The following MYO16 variants were observed in gnomAD, a reference collection of about 807,000 sequenced individuals.
MYO16 encodes myosin XVI, also known as unconventional myosin-XVI.
A neutral mutation model predicts 205.3 loss-of-function variants in MYO16; 94 were observed. That is an observed-to-expected ratio of 0.46 (90% CI 0.39 to 0.54). The LOEUF (loss-of-function observed/expected upper bound fraction) is 0.54. Ranked by LOEUF, MYO16 falls within the 20% of genes least tolerant of loss-of-function variation. The pLI, the probability that MYO16 is intolerant of heterozygous loss-of-function variation, is 0.00. For missense variants in MYO16, 2,315 were observed against 2,387.5 expected (o/e 0.97, Z 0.63); for synonymous variants, 988 against 954.0 (o/e 1.04, Z -0.66).
intron 32 of MYO16, among the ~76,000 whole-genome samples, chr13:109,157,427 C>T (rs966827168): frequency 2.0e-5 from 3 of 152,176 alleles, no homozygotes; most frequent in South Asian, 4.2e-4. Flanking sequence ...TCTGCCTCTG[C>T]GGCATTCCCT....
chr13:109,158,718 G>T (rs1222763057), intron 32 of MYO16, among the ~76,000 whole-genome samples: 1 of 146,658 alleles, frequency 6.8e-6, no homozygotes, highest in African/African-American at 2.6e-5. Context: ...TTGGGGAAAG[G>T]TGAGCTTTTT....
chr13:109,092,608 A>G (rs927717724), intron 27 of MYO16, among the ~76,000 whole-genome samples: 13 of 152,218 alleles, frequency 8.5e-5, no homozygotes, highest in African/African-American at 3.1e-4. Flanking sequence ...AACAGAAAAG[A>G]TAACTATTGG....
At chr13:108,967,374 C>G (rs2139380074) in intron 20 of MYO16, among the ~76,000 whole-genome samples, 1 of 152,252 alleles carries the variant, frequency 6.6e-6, no homozygotes, top group East Asian at 1.9e-4. Flanking sequence ...CTTTCTCTAC[C>G]TGGATCCAAA....
At chr13:108,793,665 A>T in intron 6 of MYO16, 25 bp downstream of exon 6, 2 of 1,598,854 alleles carry the variant, frequency 1.3e-6, no homozygotes, top group Non-Finnish European at 1.7e-6. Context: ...TTGACTCAGA[A>T]ACTATTTGAA....
At chr13:109,016,010 G>A (rs1885800329) in intron 22 of MYO16, among the ~76,000 whole-genome samples, 1 of 151,986 alleles carries the variant, frequency 6.6e-6, no homozygotes, top group African/African-American at 2.4e-5. Context: ...GATAGCTTTT[G>A]AATTTCTTTG....
the MYO16 span, among the ~76,000 whole-genome samples, chr13:108,507,278 G>A: frequency 6.6e-6 from 1 of 152,000 alleles, no homozygotes; most frequent in African/African-American, 2.4e-5. Context: ...AACTTAAAGG[G>A]GCTCCCTTTA....
chr13:108,745,453 T>G (rs2139622225), intron 4 of MYO16, among the ~76,000 whole-genome samples: 1 of 152,194 alleles, frequency 6.6e-6, no homozygotes, highest in South Asian at 2.1e-4. Context: ...AACAGATGTT[T>G]TGCAGAGAAG....
chr13:108,943,220 G>A (rs1416511890), intron 16 of MYO16, among the ~76,000 whole-genome samples: 4 of 152,150 alleles, frequency 2.6e-5, no homozygotes, highest in Non-Finnish European at 5.9e-5. Context: ...AAATTAATTG[G>A]TGGTTGATAA....
At chr13:108,780,602 GA>G (rs1170768015) in intron 4 of MYO16, among the ~76,000 whole-genome samples, 7 of 152,170 alleles carry the variant, frequency 4.6e-5, no homozygotes, top group African/African-American at 1.7e-4. Context: ...AGGAAGGTCA[GA>G]AAATTTAGTT....
intron 9 of MYO16, among the ~76,000 whole-genome samples, chr13:108,838,352 A>C (rs1466208014): frequency 6.6e-6 from 1 of 152,058 alleles, no homozygotes. Flanking sequence ...GTTCACTCAA[A>C]TTATAAAAAA....
intron 4 of MYO16, among the ~76,000 whole-genome samples, chr13:108,748,354 C>G (rs757584430): frequency 2.6e-5 from 4 of 151,842 alleles, no homozygotes; most frequent in Non-Finnish European, 5.9e-5. Context: ...GCAGCAACAT[C>G]AAAGCTTAGA....
chr13:108,558,320 C>T, the MYO16 span, among the ~76,000 whole-genome samples: 1 of 152,192 alleles, frequency 6.6e-6, no homozygotes, highest in Non-Finnish European at 1.5e-5. Context: ...GAAATGTCTC[C>T]TTGTCCTTTT....
At chr13:108,667,171 AT>A (rs1309150872) in intron 2 of MYO16, among the ~76,000 whole-genome samples, 4 of 152,208 alleles carry the variant, frequency 2.6e-5, no homozygotes, top group Non-Finnish European at 5.9e-5. Context: ...AGGCTTTCAA[AT>A]GGGGATTGTG....
intron 16 of MYO16, among the ~76,000 whole-genome samples, chr13:108,935,694 T>G (rs937011198): frequency 6.6e-6 from 1 of 152,178 alleles, no homozygotes; most frequent in Non-Finnish European, 1.5e-5. Context: ...CATCATTGGC[T>G]TGTTCCAGTT....
At chr13:108,991,930 T>A (rs1165604923) in intron 20 of MYO16, among the ~76,000 whole-genome samples, 1 of 152,240 alleles carries the variant, frequency 6.6e-6, no homozygotes, top group Non-Finnish European at 1.5e-5. Flanking sequence ...AAATTCTTGT[T>A]TTTTAAAATT....
rs770460841 is a variant in MYO16, at chr13:109,127,542, C to T, written c.4043C>T (p.Ala1348Val). The change falls in exon 31 of 35, where the codon GCC (alanine) becomes GTC (valine). Residue 1348 changes from alanine (A) to valine (V), a missense_variant. Physicochemically the swap from Ala to Val is moderately conservative, Grantham distance 64. Coordinates refer to ENST00000457511, the MANE Select transcript of MYO16 (RefSeq NM_001198950.3). The surrounding 1 kb of genome is among the most constrained non-coding windows in gnomAD (Gnocchi z 4.2). Reference protein sequence around the residue: ...SACLSAAREAANEALARPRPH... With the variant: ...SACLSAAREAVNEALARPRPH... Reference sequence around the variant, plus strand: ...TGCCTCTCCGCGGCCAGGGAAGCGGCCAACGAAGGTCAGCCCTGGGGAGGG... The same window carrying T: ...TGCCTCTCCGCGGCCAGGGAAGCGGTCAACGAAGGTCAGCCCTGGGGAGGG... 1.9e-6 allele frequency: 3 copies of T among 1,609,812 alleles called. No individual in the cohort carries two copies. Among genetic ancestry groups the T allele is most frequent in the East Asian group, 2.2e-5 (1 of 44,842 alleles).
At chr13:109,046,765 G>T in intron 23 of MYO16, 151 bp from the exon 24 acceptor site, 1 of 614,904 alleles carries the variant, frequency 1.6e-6, no homozygotes, top group Non-Finnish European at 2.9e-6. Flanking sequence ...ATTATAGCTT[G>T]GAACTTGCAT....
intron 32 of MYO16, among the ~76,000 whole-genome samples, chr13:109,149,335 C>T (rs1488547909): frequency 6.6e-6 from 1 of 152,132 alleles, no homozygotes; most frequent in Non-Finnish European, 1.5e-5. Context: ...TCCTTTCTCC[C>T]CCTGGACCCT....
chr13:109,010,101 T>G (rs985824698), intron 22 of MYO16, among the ~76,000 whole-genome samples: 5 of 152,184 alleles, frequency 3.3e-5, no homozygotes, highest in Admixed American at 6.5e-5. Context: ...GGGGAGGGGT[T>G]GATCCAGATT....
Sources: gnomAD v4.1 joint callset for allele counts (sites outside exome capture counted in the v4.1 genomes callset) on GRCh38, gnomAD v4.1.1 for gene constraint, Gnocchi (gnomAD v3.1) non-coding constraint, MANE v1.5 for transcripts, NCBI Gene and HGNC (gene_info 2026-07-23, HGNC 2026-07-21) for gene names.